Variants in CSMD1 observed in about 807,000 individuals in gnomAD.
CSMD1 encodes the protein CUB and sushi domain-containing protein 1.
A neutral mutation model predicts 417.5 loss-of-function variants in CSMD1; 213 were observed. The ratio of observed to expected loss-of-function variants is 0.51; its 90% CI spans 0.46 to 0.57. The LOEUF (loss-of-function observed/expected upper bound fraction) is 0.57. CSMD1 is among the 20% of genes least tolerant of loss of function. CSMD1 has a pLI of 0.00. For synonymous variants in CSMD1, 2,862 were observed against 1,736.8 expected (o/e 1.65, Z -16.11); for missense variants, 6,923 against 4,529.7 (o/e 1.53, Z -15.17).
At chr8:4,205,543 G>A (rs868235246) in intron 3 of CSMD1, among the ~76,000 whole-genome samples, 2 of 152,142 alleles carry the variant, frequency 1.3e-5, no homozygotes, top group Non-Finnish European at 2.9e-5. Context: ...AACTGACATT[G>A]AAAGTTGACG....
Position 3,396,314 on chromosome 8 carries a change from T to A in CSMD1, c.2473A>T (p.Ile825Phe). 1 of 1,608,182 alleles carries A rather than the reference T, an allele frequency of 6.2e-7. No individual in the cohort carries two copies. Among genetic ancestry groups the A allele is most frequent in the Non-Finnish European group, 8.5e-7 (1 of 1,177,360 alleles). Residue 825 changes from isoleucine to phenylalanine, a missense_variant, in exon 17 of 70, where the codon ATC becomes TTC. Ile to Phe is a conservative substitution (Grantham distance 21). Transcript: ENST00000635120. ...RDGPASSSPL[I>F]GEYHGTQAPQ... is the part of the protein sequence containing the mutation. ...GCCTGGGTGCCGTGGTACTCGCCGA[T>A]CAGTGGGGACGAACTGGCTGGCCCA...
intron 38 of CSMD1, 38 bp downstream of exon 38, chr8:3,162,121 A>G: frequency 1.6e-6 from 2 of 1,288,194 alleles, no homozygotes; most frequent in East Asian, 2.4e-5. Flanking sequence ...AAAGATGACC[A>G]TGTGTATGTT....
chr8:3,896,946 C>G (rs1315224327), intron 5 of CSMD1, among the ~76,000 whole-genome samples: 2 of 151,530 alleles, frequency 1.3e-5, no homozygotes, highest in Non-Finnish European at 2.9e-5. Flanking sequence ...TCATCAATAC[C>G]CCTAATGAAA....
chr8:4,085,896 T>C (rs997560084), intron 3 of CSMD1, among the ~76,000 whole-genome samples: 7 of 152,124 alleles, frequency 4.6e-5, no homozygotes, highest in African/African-American at 1.4e-4. Flanking sequence ...TCTAGTTTTG[T>C]GAGATGTTAC....
rs1469508803 is a variant in CSMD1 at position 4,212,335 on chromosome 8, T to G, written c.416-180236A>C. ...ACCCAAATATGTATCTACAGGTAAC[T>G]TGAAGAAAATCCCACCAATTAAAAG... On this transcript the variant is annotated intron_variant, in intron 3 of 69. Transcript: ENST00000635120. 2.6e-5 allele frequency among the ~76,000 whole-genome samples: 4 copies of G among 152,074 alleles called. No individual in the cohort carries two copies. In the South Asian group the frequency reaches 8.3e-4, roughly 32 times the overall value.
intron 54 of CSMD1, among the ~76,000 whole-genome samples, chr8:2,991,858 T>C (rs1806415875): frequency 1.3e-5 from 2 of 152,158 alleles, no homozygotes; most frequent in Non-Finnish European, 2.9e-5. Flanking sequence ...ATTCCACCTA[T>C]TACAAAGAAG....
chr8:4,236,055 T>TTG (rs1563316741), intron 3 of CSMD1, among the ~76,000 whole-genome samples: 4 of 83,746 alleles, frequency 4.8e-5, no homozygotes, highest in Non-Finnish European at 1.0e-4. Context: ...TTTTTTTTTT[T>TTG]TTTTTTTTTT....
Position 3,942,282 on chromosome 8 carries a change from A to T in CSMD1, c.818+55621T>A, listed in dbSNP as rs1319605305. 2.0e-5 allele frequency among the ~76,000 whole-genome samples: 3 copies of T among 152,132 alleles called. No individual in the cohort carries two copies. In the East Asian group the frequency reaches 5.8e-4, roughly 29 times the overall value. Reference sequence around the variant, plus strand: ...TGCACCATAAATGTAATGCGCTTGAATCATCCTGAAACCAATCCCTCCTCT... The same window carrying T: ...TGCACCATAAATGTAATGCGCTTGATTCATCCTGAAACCAATCCCTCCTCT... On this transcript the variant is annotated intron_variant, in intron 5 of 69. Coordinates refer to ENST00000635120, the MANE Select transcript of CSMD1 (RefSeq NM_033225.6).
chr8:4,116,066 T>C (rs751395163), intron 3 of CSMD1, among the ~76,000 whole-genome samples: 4 of 152,068 alleles, frequency 2.6e-5, no homozygotes, highest in South Asian at 4.2e-4. Context: ...AGTGGCAATC[T>C]TGGCTCACTG....
intron 2 of CSMD1, among the ~76,000 whole-genome samples, chr8:4,586,050 T>A (rs1799682913): frequency 6.6e-6 from 1 of 152,190 alleles, no homozygotes; most frequent in Non-Finnish European, 1.5e-5. Flanking sequence ...TGGTTGTACG[T>A]ATACATGGAG....
chr8:4,201,996 G>T (rs1182141830), intron 3 of CSMD1, among the ~76,000 whole-genome samples: 2 of 151,870 alleles, frequency 1.3e-5, no homozygotes, highest in Non-Finnish European at 2.9e-5. Flanking sequence ...GCATTTTGAT[G>T]ATTATACTCT....
At chr8:4,143,100 T>G (rs1803889510) in intron 3 of CSMD1, among the ~76,000 whole-genome samples, 1 of 148,386 alleles carries the variant, frequency 6.7e-6, no homozygotes, top group African/African-American at 2.6e-5. Flanking sequence ...TCTTCATCTA[T>G]TAACTTGGGA....
In CSMD1 at chr8:3,199,763, G is replaced by A. The variant is rs1197165759; in HGVS notation, c.5145C>T (p.Phe1715=). Residue 1715 remains phenylalanine, a synonymous_variant, in exon 33 of 70, where the codon TTC becomes TTT. Transcript: ENST00000635120. ...LATSNQILLR[F]SAKSGASARG... ...GGGCAGAGGCACCGCTCTTTGCACT[G>A]AATCGGAGCAGAATTTGATTTGACG... 1.0e-5 allele frequency: 16 copies of A among 1,587,520 alleles called. No individual in the cohort carries two copies. The highest frequency in any genetic ancestry group is 1.3e-5 in the African/African-American group (1 of 74,514).
intron 3 of CSMD1, among the ~76,000 whole-genome samples, chr8:4,051,606 G>A (rs73658559): frequency 0.037 from 5,641 of 152,248 alleles, 335 homozygotes; most frequent in African/African-American, 0.12. Flanking sequence ...AGTGCACAGC[G>A]GGGCTTGTAG....
At position 4,553,638 on chromosome 8, in the gene CSMD1, T is replaced by C. The variant is rs539226871; in HGVS notation, c.302+83704A>G. On this transcript the variant is annotated intron_variant, in intron 2 of 69. Coordinates refer to ENST00000635120, the MANE Select transcript of CSMD1 (RefSeq NM_033225.6). The stretch of plus-strand genomic sequence containing the variant: ...CCAGCTTAGCTCTACCAATATAGCA[T>C]GAAAAGCATCAGTGAGATCATAACT... Among the ~76,000 whole-genome samples, 11 of 152,300 alleles carry C rather than the reference T, an allele frequency of 7.2e-5. No homozygotes were observed. In the South Asian group the frequency reaches 2.3e-3, roughly 32 times the overall value.
chr8:4,360,546 G>C (rs538785751), intron 3 of CSMD1, among the ~76,000 whole-genome samples: 1 of 152,256 alleles, frequency 6.6e-6, no homozygotes, highest in African/African-American at 2.4e-5. Flanking sequence ...CTGGAGGGCA[G>C]TGGCGCGATC....
intron 5 of CSMD1, among the ~76,000 whole-genome samples, chr8:3,941,522 T>C (rs980590810): frequency 1.3e-5 from 2 of 152,306 alleles, no homozygotes; most frequent in African/African-American, 4.8e-5. Flanking sequence ...TAAATGTGCT[T>C]AGTTTTAAAG....
At chr8:4,459,576 G>T (rs999877088) in intron 2 of CSMD1, among the ~76,000 whole-genome samples, 1 of 152,204 alleles carries the variant, frequency 6.6e-6, no homozygotes, top group Non-Finnish European at 1.5e-5. Context: ...CTAATCCATG[G>T]AATGGCTAGT....
At chr8:3,327,031 A>C (rs200234863) in intron 23 of CSMD1, among the ~76,000 whole-genome samples, 4 of 152,146 alleles carry the variant, frequency 2.6e-5, no homozygotes, top group African/African-American at 9.7e-5. Context: ...GAAAAAAAAA[A>C]GACAAAAAAT....
Sources: allele counts gnomAD v4.1 joint callset (sites outside exome capture counted in the v4.1 genomes callset), GRCh38; gene constraint gnomAD v4.1.1; transcripts MANE v1.5; gene names NCBI Gene and HGNC (gene_info 2026-07-23, HGNC 2026-07-21).